DCP1A: variants seen among roughly 807,000 people sequenced by gnomAD.
The protein encoded by DCP1A is decapping mRNA 1A, also known as mRNA-decapping enzyme 1A.
In DCP1A, 20 loss-of-function variants were observed where a neutral mutation model predicts 58.0. The ratio of observed to expected loss-of-function variants is 0.34; its 90% CI spans 0.24 to 0.50. The LOEUF is 0.50. Ranked by LOEUF, DCP1A falls within the 20% of genes least tolerant of loss-of-function variation. The pLI, the probability that DCP1A is intolerant of heterozygous loss-of-function variation, is 0.98. For synonymous variants in DCP1A, 285 were observed against 275.1 expected (o/e 1.04, Z -0.36); for missense variants, 613 against 712.2 (o/e 0.86, Z 1.59).
intron 5 of DCP1A, among the ~76,000 whole-genome samples, chr3:53,305,641 C>A (rs782615446): frequency 2.0e-5 from 3 of 152,116 alleles, no homozygotes; most frequent in Non-Finnish European, 4.4e-5. Context: ...TGAGCCACAT[C>A]GTGCCTGGCA....
intron 4 of DCP1A, among the ~76,000 whole-genome samples, chr3:53,317,078 T>C (rs1162690970): frequency 1.3e-5 from 2 of 152,244 alleles, no homozygotes; most frequent in South Asian, 4.1e-4. Context: ...AAAGTGTTTA[T>C]ATATTAATAC....
intron 6 of DCP1A, among the ~76,000 whole-genome samples, chr3:53,298,717 C>T (rs1465216628): frequency 2.6e-5 from 4 of 152,164 alleles, no homozygotes; most frequent in Non-Finnish European, 5.9e-5. Context: ...CTCCGGAAAA[C>T]AGGTACAGCT....
At chr3:53,299,843 T>A (rs1332502502) in intron 6 of DCP1A, among the ~76,000 whole-genome samples, 2 of 152,184 alleles carry the variant, frequency 1.3e-5, no homozygotes, top group African/African-American at 2.4e-5. Flanking sequence ...TTTCATAAAA[T>A]TTTGTCACTA....
chr3:53,344,637 A>T (rs1553692931), intron 2 of DCP1A, among the ~76,000 whole-genome samples: 1 of 152,194 alleles, frequency 6.6e-6, no homozygotes, highest in African/African-American at 2.4e-5. Flanking sequence ...AGAGAGACGC[A>T]GGCATCCATT....
intron 6 of DCP1A, among the ~76,000 whole-genome samples, chr3:53,293,366 T>G (rs182856074): frequency 6.1e-4 from 93 of 152,278 alleles, no homozygotes; most frequent in Admixed American, 4.1e-3. Context: ...AATTTAAAAT[T>G]TATATATATT....
At chr3:53,308,196 C>G (rs1239216083) in intron 5 of DCP1A, among the ~76,000 whole-genome samples, 1 of 151,872 alleles carries the variant, frequency 6.6e-6, no homozygotes, top group African/African-American at 2.4e-5. Flanking sequence ...ATAAAACGTT[C>G]TCTGTAAGCT....
intron 3 of DCP1A, among the ~76,000 whole-genome samples, chr3:53,341,136 C>A (rs929872940): frequency 1.1e-4 from 17 of 151,586 alleles, no homozygotes; most frequent in African/African-American, 3.6e-4. Context: ...AAAAAAAAAA[C>A]CCATCACCAC....
At chr3:53,316,435 CT>C (rs1268922375) in intron 4 of DCP1A, among the ~76,000 whole-genome samples, 46 of 146,454 alleles carry the variant, frequency 3.1e-4, no homozygotes, top group African/African-American at 2.5e-4. Flanking sequence ...TCTCTAATCA[CT>C]TTTTTTTTTT....
At chr3:53,322,893 G>A (rs1553690155) in intron 3 of DCP1A, among the ~76,000 whole-genome samples, 1 of 151,208 alleles carries the variant, frequency 6.6e-6, no homozygotes, top group African/African-American at 2.4e-5. Context: ...CTCATTGCAA[G>A]CTCTGCCTCC....
chr3:53,331,668 GTACTT>G (rs10556097), intron 3 of DCP1A, among the ~76,000 whole-genome samples: 6,524 of 152,204 alleles, frequency 0.043, 463 homozygotes, highest in African/African-American at 0.15. Flanking sequence ...ACTCATGACT[GTACTT>G]TATTATTGAT....
rs1706539731 is a variant in DCP1A at position 53,284,201 on chromosome 3, T to G, written c.*3379A>C. 6.6e-6 allele frequency: 1 copy of G among 152,238 alleles called. No individual in the cohort carries two copies. Among genetic ancestry groups the G allele is most frequent in the Admixed American group, 6.5e-5 (1 of 15,268 alleles). The allele number at this position is 152,238 out of a possible 1,614,324, so 9.4% of individuals were successfully genotyped here. A position where few individuals can be genotyped will look rare whatever the true frequency, so the allele number is the denominator to read the frequency against. On this transcript the variant is annotated 3_prime_UTR_variant, in exon 10 of 10. Transcript: ENST00000610213. ...CACTCGTGCCTGTGCCACCTCTCATTCCTCTCAGAGTTACAGTATGATGGC... is the reference window on the plus strand; with the variant it reads ...CACTCGTGCCTGTGCCACCTCTCATGCCTCTCAGAGTTACAGTATGATGGC...
chr3:53,341,932 C>T (rs2089212745), intron 3 of DCP1A, among the ~76,000 whole-genome samples: 1 of 152,126 alleles, frequency 6.6e-6, no homozygotes, highest in Admixed American at 6.5e-5. Context: ...CCTCCTCGGC[C>T]TCCCAAAGTG....
chr3:53,326,773 T>C (rs1448104914), intron 3 of DCP1A, among the ~76,000 whole-genome samples: 3 of 152,150 alleles, frequency 2.0e-5, no homozygotes, highest in Non-Finnish European at 4.4e-5. Context: ...TGATGGTGAG[T>C]TGCATAATTA....
At chr3:53,287,832 A>G (rs936181031) in intron 9 of DCP1A, among the ~76,000 whole-genome samples, 172 bp from the exon 10 acceptor site, 50 of 152,096 alleles carry the variant, frequency 3.3e-4, no homozygotes, top group African/African-American at 1.2e-3. Flanking sequence ...ATATTTCTCC[A>G]CCAGGACTGT....
At chr3:53,341,399 A>AGCCTAGATCACACCACT (rs1250629304) in intron 3 of DCP1A, among the ~76,000 whole-genome samples, 1 of 152,152 alleles carries the variant, frequency 6.6e-6, no homozygotes, top group African/African-American at 2.4e-5. Context: ...AGCTTGCATG[A>AGCCTAGATCACACCACT]GCCTAGATCA....
At chr3:53,291,606 A>T (rs1553685996) in intron 7 of DCP1A, among the ~76,000 whole-genome samples, 1 of 152,130 alleles carries the variant, frequency 6.6e-6, no homozygotes, top group Admixed American at 6.5e-5. Flanking sequence ...CTGTAGAGAT[A>T]AGAGATCTAG....
At chr3:53,334,256 A>G (rs1439169447) in intron 3 of DCP1A, among the ~76,000 whole-genome samples, 4 of 152,152 alleles carry the variant, frequency 2.6e-5, no homozygotes, top group Non-Finnish European at 4.4e-5. Context: ...TCACAGCGAG[A>G]CCTGTCTCTA....
chr3:53,325,716 GCTCT>G (rs1482045355), intron 3 of DCP1A, among the ~76,000 whole-genome samples: 6 of 152,250 alleles, frequency 3.9e-5, no homozygotes, highest in African/African-American at 1.4e-4. Context: ...AAGCATGGAG[GCTCT>G]CTAAGAACAT....
At chr3:53,295,890 T>C (rs1553686705) in intron 6 of DCP1A, among the ~76,000 whole-genome samples, 2 of 147,988 alleles carry the variant, frequency 1.4e-5, no homozygotes, top group Non-Finnish European at 3.0e-5. Flanking sequence ...ATAAACACCA[T>C]GTGGTCTTTT....
Sources: gnomAD v4.1 joint callset for allele counts (sites outside exome capture counted in the v4.1 genomes callset) on GRCh38, gnomAD v4.1.1 for gene constraint, MANE v1.5 for transcripts, NCBI Gene and HGNC (gene_info 2026-07-23, HGNC 2026-07-21) for gene names.